The following KCNMA1 variants were observed in gnomAD, a reference collection of about 807,000 sequenced individuals.
KCNMA1 encodes the protein potassium calcium-activated channel subfamily M alpha 1, also known as Calcium-activated potassium channel subunit alpha-1.
KCNMA1 carries 29 observed loss-of-function variants against 140.0 expected under a neutral mutation model. The observed-to-expected ratio is 0.21, with a 90% CI of 0.15 to 0.28. The LOEUF is 0.28. KCNMA1 is among the 10% of genes least tolerant of loss of function. The probability of loss-of-function intolerance (pLI) is 1.00; values close to 1 mark genes in which losing one functional copy is unlikely to be tolerated. For missense variants in KCNMA1, 880 were observed against 1,602.2 expected (o/e 0.55, Z 7.70); for synonymous variants, 612 against 611.9 (o/e 1.00, Z 0.00).
At chr10:77,439,126 A>G (rs2097332551) in intron 1 of KCNMA1, among the ~76,000 whole-genome samples, 2 of 145,758 alleles carry the variant, frequency 1.4e-5, no homozygotes. Context: ...AGAAGAGAAG[A>G]GAAGAGAAGA....
rs546514694 is a variant in KCNMA1 at position 77,340,231 on chromosome 10, T to G, written c.540+63631A>C. ...GAAACAACAGGTGCTGGAGAGGATGTGGAGAAATAGGAACACTTTTACACT... is the reference window on the plus strand; with the variant it reads ...GAAACAACAGGTGCTGGAGAGGATGGGGAGAAATAGGAACACTTTTACACT... On this transcript the variant is annotated intron_variant, in intron 2 of 27. Coordinates refer to ENST00000286628, the MANE Select transcript of KCNMA1 (RefSeq NM_001161352.2). Among the ~76,000 whole-genome samples, 175 of 152,252 alleles carry G rather than the reference T, an allele frequency of 1.1e-3. 1 individual carries two copies. Among genetic ancestry groups the G allele is most frequent in the South Asian group, 3.1e-3 (15 of 4,830 alleles).
At chr10:77,216,339 CAT>C (rs2047784513) in intron 3 of KCNMA1, among the ~76,000 whole-genome samples, 1 of 151,834 alleles carries the variant, frequency 6.6e-6, no homozygotes. Flanking sequence ...GTATATAAAA[CAT>C]ATTTCAATAA....
At chr10:77,073,390 T>C in intron 13 of KCNMA1, 138 bp from the exon 14 acceptor site, 2 of 856,586 alleles carry the variant, frequency 2.3e-6, no homozygotes, top group Non-Finnish European at 3.8e-6. Context: ...TGCGGTCTGA[T>C]GTTTGCTGTT....
At chr10:77,364,714 G>A (rs1215091292) in intron 2 of KCNMA1, among the ~76,000 whole-genome samples, 2 of 152,126 alleles carry the variant, frequency 1.3e-5, no homozygotes, top group African/African-American at 4.8e-5. Flanking sequence ...GAGTGGCCAG[G>A]CCTGAATGGG....
chr10:76,979,206 C>T (rs2078637236), intron 19 of KCNMA1, among the ~76,000 whole-genome samples: 1 of 152,154 alleles, frequency 6.6e-6, no homozygotes, highest in Non-Finnish European at 1.5e-5. Flanking sequence ...TTAAGGAAGG[C>T]CCTTGCAACA....
chr10:77,242,484 T>C (rs1436259212), intron 3 of KCNMA1, among the ~76,000 whole-genome samples: 2 of 152,196 alleles, frequency 1.3e-5, no homozygotes, highest in African/African-American at 2.4e-5. Flanking sequence ...CCAAAACATG[T>C]TATAGCATCC....
chr10:77,089,903 G>A (rs2096775640), intron 10 of KCNMA1, among the ~76,000 whole-genome samples: 1 of 152,158 alleles, frequency 6.6e-6, no homozygotes, highest in Admixed American at 6.5e-5. Context: ...CATGCACAGT[G>A]ACGGGCTAGG....
chr10:76,886,953 C>A lies in KCNMA1; in HGVS notation c.*313G>T, dbSNP rs571242453. The A allele has an allele frequency of 1.6e-6, 2 of 1,219,626 alleles. No homozygotes were observed. Among genetic ancestry groups the A allele is most frequent in the South Asian group, 1.6e-5 (1 of 61,120 alleles). 75.6% of individuals were successfully genotyped at this position (1,219,626 alleles called of 1,614,324 possible). On this transcript the variant is annotated 3_prime_UTR_variant, in exon 28 of 28. Transcript: ENST00000286628. ...TGCTCTGCCTAACTGACGTTGATCA[C>A]AAGTGCTCCCTTCTAATCTGTGAAC...
chr10:77,299,457 G>A lies in KCNMA1; in HGVS notation c.541-48201C>T, dbSNP rs188930216. Among the ~76,000 whole-genome samples the A allele has an allele frequency of 2.8e-3, 425 of 152,272 alleles. 2 individuals are homozygous for A. The highest frequency in any genetic ancestry group is 9.6e-3 in the African/African-American group (397 of 41,552). ...CCATCTGGCCCACGCCTGCAGCTGC[G>A]TAACCCTCTGGCCCCCCTCCAACGT... On this transcript the variant is annotated intron_variant, in intron 2 of 27. Coordinates refer to ENST00000286628, the MANE Select transcript of KCNMA1 (RefSeq NM_001161352.2).
chr10:77,163,524 G>A (rs964613752), intron 5 of KCNMA1, among the ~76,000 whole-genome samples: 1 of 152,140 alleles, frequency 6.6e-6, no homozygotes, highest in Admixed American at 6.5e-5. Flanking sequence ...TCTCCCATGC[G>A]TGCAGTGCTC....
chr10:77,284,531 C>G (rs546257689), intron 2 of KCNMA1, among the ~76,000 whole-genome samples: 1 of 152,002 alleles, frequency 6.6e-6, no homozygotes, highest in Non-Finnish European at 1.5e-5. Flanking sequence ...TATTATTGCT[C>G]AAGATGGTGT....
At chr10:77,341,354 AT>A (rs1186014171) in intron 2 of KCNMA1, among the ~76,000 whole-genome samples, 2 of 151,802 alleles carry the variant, frequency 1.3e-5, no homozygotes, top group African/African-American at 2.4e-5. Context: ...TCATTTCCCA[AT>A]TATTTCTCAG....
chr10:77,234,983 T>G lies in KCNMA1; in HGVS notation c.602+16212A>C, dbSNP rs143194050. On this transcript the variant is annotated intron_variant, in intron 3 of 27. Coordinates refer to ENST00000286628, the MANE Select transcript of KCNMA1 (RefSeq NM_001161352.2). Reference sequence around the variant, plus strand: ...GCAGAGATTTCCAATAAAATGTTCTTTCCACTGTTCTCCTTATGAGCCACA... The same window carrying G: ...GCAGAGATTTCCAATAAAATGTTCTGTCCACTGTTCTCCTTATGAGCCACA... Among the ~76,000 whole-genome samples, 432 of 152,326 alleles carry G rather than the reference T, an allele frequency of 2.8e-3. 3 individuals carry two copies. Among genetic ancestry groups the G allele is most frequent in the African/African-American group, 9.9e-3 (412 of 41,584 alleles).
intron 1 of KCNMA1, among the ~76,000 whole-genome samples, chr10:77,410,852 TCA>T (rs776978704): frequency 7.2e-5 from 11 of 152,248 alleles, no homozygotes; most frequent in African/African-American, 9.6e-5. Context: ...GTTCACATCC[TCA>T]CTTTGTCCAT....
At position 77,142,513 on chromosome 10, in the gene KCNMA1, G is replaced by A. The variant is rs1033310621; in HGVS notation, c.809-21465C>T. The stretch of plus-strand genomic sequence containing the variant: ...TGTATGGAAAATGTGACATACATAC[G>A]CAAAAGGGCTTCACAATAATTCTAT... On this transcript the variant is annotated intron_variant, in intron 5 of 27. Transcript: ENST00000286628. 2.6e-5 allele frequency among the ~76,000 whole-genome samples: 4 copies of A among 152,214 alleles called. No homozygotes were observed. In the South Asian group the frequency reaches 6.2e-4, roughly 24 times the overall value.
intron 3 of KCNMA1, among the ~76,000 whole-genome samples, chr10:77,233,144 TA>T (rs1488667998): frequency 2.0e-5 from 3 of 152,238 alleles, no homozygotes; most frequent in Admixed American, 2.0e-4. Flanking sequence ...CTTTCCTCAT[TA>T]AATGGTCTTG....
chr10:77,179,963 A>G (rs189925042), intron 5 of KCNMA1, among the ~76,000 whole-genome samples: 1 of 152,314 alleles, frequency 6.6e-6, no homozygotes, highest in Non-Finnish European at 1.5e-5. Context: ...TCTGTACTAT[A>G]CAACACGCAA....
intron 20 of KCNMA1, among the ~76,000 whole-genome samples, chr10:76,955,202 T>C (rs1161956929): frequency 6.6e-6 from 1 of 150,780 alleles, no homozygotes; most frequent in African/African-American, 2.4e-5. Flanking sequence ...TTTTTCTTTT[T>C]TTTTTTTTTT....
At chr10:77,592,956 T>C (rs2079679287) in intron 1 of KCNMA1, among the ~76,000 whole-genome samples, 2 of 152,296 alleles carry the variant, frequency 1.3e-5, no homozygotes, top group Middle Eastern at 6.8e-3. Flanking sequence ...CTCCACCTTC[T>C]TTGTTCTGGA....
Sources: gnomAD v4.1 joint callset for allele counts (sites outside exome capture counted in the v4.1 genomes callset) on GRCh38, gnomAD v4.1.1 for gene constraint, MANE v1.5 for transcripts, NCBI Gene and HGNC (gene_info 2026-07-23, HGNC 2026-07-21) for gene names.